CILP: variants seen among roughly 807,000 people sequenced by gnomAD.
The protein encoded by CILP is cartilage intermediate layer protein, also known as cartilage intermediate layer protein 1.
Under a neutral mutation model 82.5 loss-of-function variants are expected in CILP, and 75 were observed. The observed-to-expected ratio is 0.91, with a 90% CI of 0.75 to 1.10. The LOEUF (loss-of-function observed/expected upper bound fraction) is 1.10, where lower values mean the gene tolerates loss of function less well. CILP is among the 50% of genes least tolerant of loss of function. The pLI, the probability that CILP is intolerant of heterozygous loss-of-function variation, is 0.00. For missense variants in CILP, 1,479 were observed against 1,530.8 expected, an observed-to-expected ratio of 0.97 and a Z score of 0.56; for synonymous variants, 530 against 580.3, an observed-to-expected ratio of 0.91 and a Z score of 1.25.
intron 6 of CILP, among the ~76,000 whole-genome samples, chr15:65,203,806 CT>C (rs1422528506): frequency 6.6e-6 from 1 of 152,218 alleles, no homozygotes; most frequent in African/African-American, 2.4e-5. Context: ...TCTGCTGCCC[CT>C]GGCAGAATTT....
At chr15:65,205,967 C>T (rs1393594367) in intron 4 of CILP, among the ~76,000 whole-genome samples, 1 of 152,224 alleles carries the variant, frequency 6.6e-6, no homozygotes, top group African/African-American at 2.4e-5. Context: ...GAGCTCCCAT[C>T]CCAGATGACC....
chr15:65,201,255 G>A (rs750552659), intron 8 of CILP, among the ~76,000 whole-genome samples: 83 of 152,242 alleles, frequency 5.5e-4, no homozygotes, highest in Non-Finnish European at 1.0e-3. Context: ...ATCCACCTTG[G>A]CCTCCCAAAG....
chr15:65,198,903 C>T lies in CILP; in HGVS notation c.1383G>A (p.Glu461=), dbSNP rs777501500. 1 of 1,614,134 alleles carries T rather than the reference C, an allele frequency of 6.2e-7. No individual in the cohort carries two copies. The highest frequency in any genetic ancestry group is 1.1e-5 in the South Asian group (1 of 91,084). Residue 461 remains glutamate, a synonymous_variant, in exon 9 of 9, where the codon GAG becomes GAA. Transcript: ENST00000261883. The part of the protein sequence containing the change: ...VQNCCGISKT[E]EREIQCSGYT... ...AGCCACTGCACTGGATCTCCCTTTC[C>T]TCTGTCTTGGAGATGCCACAGCAGT... is the stretch of plus-strand genomic sequence containing the variant.
At position 65,194,906 on chromosome 15, in the gene CILP, G is replaced by C. The variant is rs1442023122; in HGVS notation, c.*1825C>G. On this transcript the variant is annotated 3_prime_UTR_variant, in exon 9 of 9. Coordinates refer to ENST00000261883, the MANE Select transcript of CILP (RefSeq NM_003613.4). ...CCCCGTGAGTTTGAAGTGAACTGGT[G>C]GTCAGGTTGAAGCAGCAGGCACTCT... 1 of 145,746 alleles carries C rather than the reference G, an allele frequency of 6.9e-6. No individual in the cohort carries two copies. The highest frequency in any genetic ancestry group is 1.5e-5 in the Non-Finnish European group (1 of 67,038). 9.0% of individuals were successfully genotyped at this position (145,746 alleles called of 1,614,324 possible).
Position 65,196,877 on chromosome 15 carries a change from G to A in CILP, c.3409C>T (p.Pro1137Ser), listed in dbSNP as rs2088369688. 1 of 1,613,736 alleles carries A rather than the reference G, an allele frequency of 6.2e-7. No homozygotes were observed. Among genetic ancestry groups the A allele is most frequent in the African/African-American group, 1.3e-5 (1 of 74,906 alleles). Residue 1137 changes from proline to serine, a missense_variant, in exon 9 of 9, where the codon CCA becomes TCA. Transcript: ENST00000261883. The stretch of plus-strand genomic sequence containing the variant: ...GTGCCTGCAGCAGGGGACTGGGCTG[G>A]GGTGCTTTGGAGGTACTGGAAGGCA... Reference protein sequence around the residue: ...QSAFQYLQSTPAQSPAAGTVQ... With the variant: ...QSAFQYLQSTSAQSPAAGTVQ...
Position 65,205,479 on chromosome 15 carries a change from A to T in CILP, c.425-13T>A, listed in dbSNP as rs2088509613. 1.6e-5 allele frequency: 25 copies of T among 1,585,472 alleles called. No homozygotes were observed. Among genetic ancestry groups the T allele is most frequent in the Non-Finnish European group, 2.1e-5 (24 of 1,159,418 alleles). On this transcript the variant is annotated splice_polypyrimidine_tract_variant and intron_variant, in intron 4 of 8. Transcript: ENST00000261883. ...CGGCGCAGGGATCCTGCAAAGTGAG[A>T]TCAGCAGACGGTCTGATTTCCCTCT...
intron 8 of CILP, among the ~76,000 whole-genome samples, chr15:65,200,299 C>A (rs184429437): frequency 6.6e-5 from 10 of 152,170 alleles, no homozygotes; most frequent in African/African-American, 1.9e-4. Context: ...AAAGAGGGAG[C>A]CTTGGTGTGA....
Position 65,197,160 on chromosome 15 carries a change from C to A in CILP, c.3126G>T (p.Leu1042=). The change falls in exon 9 of 9, where the codon CTG becomes CTT. Residue 1042 remains leucine (L), a synonymous_variant. Coordinates refer to ENST00000261883, the MANE Select transcript of CILP (RefSeq NM_003613.4). The stretch of plus-strand genomic sequence containing the variant: ...GCAAGTGGTTGACCAGGTACTCATG[C>A]AGCATGGGGTTCACACTGGCTCGAC... The part of the protein sequence containing the change: ...SCRRASVNPM[L]HEYLVNHLPL... 2.5e-6 allele frequency: 4 copies of A among 1,614,048 alleles called. No homozygotes were observed. The highest frequency in any genetic ancestry group is 3.4e-6 in the Non-Finnish European group (4 of 1,179,982).
At chr15:65,207,876 G>A in intron 2 of CILP, 112 bp from the exon 3 acceptor site, 2 of 856,470 alleles carry the variant, frequency 2.3e-6, no homozygotes, top group Admixed American at 2.0e-5. Context: ...CACCAGGCAT[G>A]GGTTCAAACC....
At chr15:65,201,789 T>A (rs1260359123) in intron 8 of CILP, 83 bp downstream of exon 8, 19 of 748,820 alleles carry the variant, frequency 2.5e-5, no homozygotes, top group Non-Finnish European at 3.4e-5. Context: ...AAGCCTTAGC[T>A]ATTACTGCAT....
chr15:65,205,840 C>T (rs1179387550), intron 4 of CILP, among the ~76,000 whole-genome samples: 1 of 152,198 alleles, frequency 6.6e-6, no homozygotes, highest in Non-Finnish European at 1.5e-5. Flanking sequence ...CCTGGGAAGT[C>T]GGGGCCTGCA....
rs2088364662 is a variant in CILP, at chr15:65,196,666, G to A, written c.*65C>T. ...GCTTAAATTAACCAAGTGACAGTTT[G>A]TGCATCAGTCTCACAATGGCTGTCA... On this transcript the variant is annotated 3_prime_UTR_variant, in exon 9 of 9. Transcript: ENST00000261883. 1 of 1,333,960 alleles carries A rather than the reference G, an allele frequency of 7.5e-7. No homozygotes were observed. The highest frequency in any genetic ancestry group is 1.5e-5 in the African/African-American group (1 of 68,466). The allele number at this position is 1,333,960 out of a possible 1,614,324, so 82.6% of individuals were successfully genotyped here.
rs764086861 is a variant in CILP, at chr15:65,197,635, T to C, written c.2651A>G (p.Asn884Ser). 5.0e-6 allele frequency: 8 copies of C among 1,614,174 alleles called. 1 individual carries two copies. The Admixed American group carries it at 1.2e-4, about 24-fold the overall frequency. ...GGGCCCATTGCTCTCCTCAGCTGAG[T>C]TGGGCCTTGGCTTGGCCATGCTAAT... Reference protein sequence around the residue: ...FQISMAKPRPNSAEESNGPIY... With the variant: ...FQISMAKPRPSSAEESNGPIY... The change falls in exon 9 of 9, where the codon AAC becomes AGC. Residue 884 changes from asparagine to serine, a missense_variant. Transcript: ENST00000261883.
In CILP at chr15:65,198,579, C is replaced by G; in HGVS notation, c.1707G>C (p.Lys569Asn). ...TGATGGGCTTTTTCCGACGAAGCAT[C>G]TTGATTTCATGGAACACGGCACTCC... is the stretch of plus-strand genomic sequence containing the variant. Reference protein sequence around the residue: ...KKGSAVFHEIKMLRRKKPITL... With the variant: ...KKGSAVFHEINMLRRKKPITL... The change falls in exon 9 of 9, where the codon AAG becomes AAC. Residue 569 changes from lysine to asparagine, a missense_variant. Coordinates refer to ENST00000261883, the MANE Select transcript of CILP (RefSeq NM_003613.4). The G allele has an allele frequency of 6.2e-7, 1 of 1,614,262 alleles. No individual in the cohort carries two copies. The highest frequency in any genetic ancestry group is 1.1e-5 in the South Asian group (1 of 91,092).
chr15:65,208,027 A>G (rs1055732010), intron 2 of CILP, among the ~76,000 whole-genome samples: 1 of 152,140 alleles, frequency 6.6e-6, no homozygotes, highest in African/African-American at 2.4e-5. Context: ...ATGTAAAGAG[A>G]CCTGGCTTGT....
At chr15:65,208,655 A>G (rs1471705566) in intron 2 of CILP, among the ~76,000 whole-genome samples, 1 of 152,186 alleles carries the variant, frequency 6.6e-6, no homozygotes, top group Admixed American at 6.5e-5. Context: ...TCGGGCCACA[A>G]GCAGTTCCAG....
chr15:65,204,027 T>C (rs1483175502), intron 6 of CILP, among the ~76,000 whole-genome samples: 2 of 152,198 alleles, frequency 1.3e-5, no homozygotes, highest in Non-Finnish European at 2.9e-5. Flanking sequence ...AATGTGCCTG[T>C]GTGTTTGAGG....
At chr15:65,207,613 C>T (rs933361145) in intron 3 of CILP, 59 bp downstream of exon 3, 2 of 1,478,096 alleles carry the variant, frequency 1.4e-6, no homozygotes, top group Middle Eastern at 1.8e-4. Flanking sequence ...CAGAGATCCA[C>T]TTCGGAAGCT....
rs116746851 is a variant in CILP, at chr15:65,202,079, A to T, written c.1029-50T>A. The T allele has an allele frequency of 1.1e-3, 1,513 of 1,439,436 alleles. 16 individuals carry two copies. In the African/African-American group the frequency reaches 0.02, roughly 19 times the overall value. 89.2% of individuals were successfully genotyped at this position (1,439,436 alleles called of 1,614,324 possible). A position where few individuals can be genotyped will look rare whatever the true frequency, so the allele number is the denominator to read the frequency against. On this transcript the variant is annotated intron_variant, in intron 7 of 8. Transcript: ENST00000261883. ...CTGAATGGGCAGTGGGAGGGCAGGT[A>T]TTCCTAGAAAAGTGCCAGGAGCAGG...
Sources: gnomAD v4.1 joint callset for allele counts (sites outside exome capture counted in the v4.1 genomes callset) on GRCh38, gnomAD v4.1.1 for gene constraint, MANE v1.5 for transcripts, NCBI Gene and HGNC (gene_info 2026-07-23, HGNC 2026-07-21) for gene names.